ATG10: variants seen among roughly 807,000 people sequenced by gnomAD.
ATG10 encodes the protein ubiquitin-like-conjugating enzyme ATG10.
Under a neutral mutation model 32.1 loss-of-function variants are expected in ATG10, and 30 were observed. The ratio of observed to expected loss-of-function variants is 0.94; its 90% confidence interval spans 0.70 to 1.27. The LOEUF (loss-of-function observed/expected upper bound fraction) is 1.27. Ranked by LOEUF, ATG10 falls within the 50% of genes most tolerant of loss-of-function variation. The pLI is 0.00. For missense variants in ATG10, 233 were observed against 262.3 expected, an observed-to-expected ratio of 0.89 and a Z score of 0.77; for synonymous variants, 87 against 91.5, an observed-to-expected ratio of 0.95 and a Z score of 0.28.
intron 3 of ATG10, among the ~76,000 whole-genome samples, chr5:82,097,755 A>G (rs1014030517): frequency 3.9e-5 from 6 of 152,224 alleles, no homozygotes; most frequent in African/African-American, 1.4e-4. Context: ...GTATTGGTCA[A>G]AAAACCAAAG....
intron 3 of ATG10, among the ~76,000 whole-genome samples, chr5:82,141,351 C>T (rs1767127231): frequency 6.6e-6 from 1 of 151,840 alleles, no homozygotes; most frequent in African/African-American, 2.4e-5. Flanking sequence ...ACACTTGATT[C>T]AATCACAATC....
intron 5 of ATG10, among the ~76,000 whole-genome samples, chr5:82,194,002 G>T (rs1744761038): frequency 6.6e-6 from 1 of 152,162 alleles, no homozygotes; most frequent in South Asian, 2.1e-4. Flanking sequence ...TGGACCATGG[G>T]GGAACAAATT....
intron 5 of ATG10, among the ~76,000 whole-genome samples, chr5:82,232,763 T>C (rs1210708829): frequency 2.7e-5 from 1 of 37,076 alleles, no homozygotes; most frequent in Non-Finnish European, 5.4e-5. Context: ...GCAGCCAACA[T>C]TTTTTTTTAA....
chr5:82,020,363 A>C (rs60776990), intron 2 of ATG10, among the ~76,000 whole-genome samples: 301 of 152,298 alleles, frequency 2.0e-3, no homozygotes, highest in African/African-American at 7.1e-3. Flanking sequence ...TTGAGTCTTA[A>C]TTATCTGGAG....
intron 4 of ATG10, 60 bp downstream of exon 4, chr5:82,164,597 A>G: frequency 1.4e-6 from 2 of 1,466,410 alleles, no homozygotes; most frequent in Non-Finnish European, 1.9e-6. Context: ...AGCAAAAAGC[A>G]TATTTGGAAA....
chr5:82,051,057 C>T (rs939987564), intron 2 of ATG10, among the ~76,000 whole-genome samples: 1 of 151,872 alleles, frequency 6.6e-6, no homozygotes, highest in Non-Finnish European at 1.5e-5. Flanking sequence ...ATACCATGAC[C>T]GCATTAAAAA....
At chr5:82,080,051 T>C (rs1466365147) in intron 3 of ATG10, among the ~76,000 whole-genome samples, 6 of 152,280 alleles carry the variant, frequency 3.9e-5, no homozygotes, top group South Asian at 2.1e-4. Flanking sequence ...TTTTAATGAT[T>C]ACCATTCTAA....
intron 1 of ATG10, among the ~76,000 whole-genome samples, chr5:81,976,717 C>G (rs1024108319): frequency 5.3e-5 from 8 of 152,048 alleles, no homozygotes; most frequent in Admixed American, 3.3e-4. Flanking sequence ...TGGAGCTGAC[C>G]AATTCATTAA....
At chr5:82,033,925 GTGTATA>G (rs1762821945) in intron 2 of ATG10, among the ~76,000 whole-genome samples, 1 of 148,010 alleles carries the variant, frequency 6.8e-6, no homozygotes. Flanking sequence ...TATACTATAT[GTGTATA>G]TGTATGTGTA....
At chr5:81,974,523 A>G (rs1287943348) in intron 1 of ATG10, among the ~76,000 whole-genome samples, 1 of 152,212 alleles carries the variant, frequency 6.6e-6, no homozygotes, top group Non-Finnish European at 1.5e-5. Flanking sequence ...AAACCTTTTT[A>G]TCATCTCTTC....
intron 1 of ATG10, among the ~76,000 whole-genome samples, chr5:81,978,867 A>G (rs549310955): frequency 1.3e-5 from 2 of 151,920 alleles, no homozygotes; most frequent in Non-Finnish European, 2.9e-5. Flanking sequence ...AAATGAGAAG[A>G]GGTGTATAGA....
At chr5:82,139,314 T>G (rs1438596238) in intron 3 of ATG10, among the ~76,000 whole-genome samples, 1 of 150,056 alleles carries the variant, frequency 6.7e-6, no homozygotes, top group Non-Finnish European at 1.5e-5. Context: ...TTGTCTGGGA[T>G]GTGAGGAGCC....
chr5:82,177,413 T>G (rs1291138926), intron 4 of ATG10, among the ~76,000 whole-genome samples: 1 of 152,178 alleles, frequency 6.6e-6, no homozygotes, highest in Non-Finnish European at 1.5e-5. Flanking sequence ...TTATGCTTTG[T>G]TGCCCTTGAT....
chr5:82,165,789 A>G (rs1364924734), intron 4 of ATG10, among the ~76,000 whole-genome samples: 1 of 152,198 alleles, frequency 6.6e-6, no homozygotes, highest in African/African-American at 2.4e-5. Flanking sequence ...AGTAGGAGAT[A>G]TATTTGTTTA....
intron 2 of ATG10, among the ~76,000 whole-genome samples, chr5:82,014,565 TC>T (rs935947260): frequency 3.4e-4 from 52 of 152,344 alleles, no homozygotes; most frequent in African/African-American, 1.1e-3. Flanking sequence ...GTTGAATTGA[TC>T]CCTTTACCAT....
chr5:82,069,147 A>T (rs904129378), intron 3 of ATG10, among the ~76,000 whole-genome samples: 5 of 152,180 alleles, frequency 3.3e-5, no homozygotes, highest in Admixed American at 6.5e-5. Context: ...ATAATTTTCT[A>T]TGGAGGGCTC....
chr5:82,021,220 A>G (rs1457057997), intron 2 of ATG10, among the ~76,000 whole-genome samples: 1 of 152,186 alleles, frequency 6.6e-6, no homozygotes, highest in Non-Finnish European at 1.5e-5. Context: ...GGAATTTGGT[A>G]TTGAATAGTA....
At chr5:81,973,081 C>A in intron 1 of ATG10, 1 of 152,164 alleles carries the variant, frequency 6.6e-6, no homozygotes, top group Non-Finnish European at 1.5e-5. Flanking sequence ...GAAAAAAATA[C>A]AGTACTCCTA....
chr5:82,219,621 C>T (rs1745837802), intron 5 of ATG10, among the ~76,000 whole-genome samples: 1 of 152,188 alleles, frequency 6.6e-6, no homozygotes, highest in African/African-American at 2.4e-5. Flanking sequence ...AATACAGCTG[C>T]ACCATTCTGG....
Sources: allele counts gnomAD v4.1 joint callset (sites outside exome capture counted in the v4.1 genomes callset), GRCh38; gene constraint gnomAD v4.1.1; transcripts MANE v1.5; gene names NCBI Gene and HGNC (gene_info 2026-07-23, HGNC 2026-07-21).